Variants in TNRC6C observed in about 807,000 individuals in gnomAD.
TNRC6C encodes trinucleotide repeat-containing gene 6C protein.
In TNRC6C, 20 loss-of-function variants were observed where a neutral mutation model predicts 153.7. That is an observed-to-expected ratio of 0.13 (90% CI 0.09 to 0.19). TNRC6C has a LOEUF of 0.19. Among genes scored for constraint, TNRC6C ranks in the 10% least tolerant of loss-of-function variants. The probability of loss-of-function intolerance (pLI) is 1.00; values close to 1 mark genes in which losing one functional copy is unlikely to be tolerated. For missense variants in TNRC6C, 1,987 were observed against 2,172.0 expected (o/e 0.91, Z 1.69); for synonymous variants, 811 against 841.4 (o/e 0.96, Z 0.63).
At chr17:78,059,291 C>T (rs1280447121) in intron 3 of TNRC6C, among the ~76,000 whole-genome samples, 1 of 152,196 alleles carries the variant, frequency 6.6e-6, no homozygotes, top group East Asian at 1.9e-4. Flanking sequence ...GAGAAATTAT[C>T]TGAGTGATCT....
chr17:78,006,863 C>T (rs947224628), intron 1 of TNRC6C, among the ~76,000 whole-genome samples: 13 of 147,548 alleles, frequency 8.8e-5, no homozygotes, highest in African/African-American at 1.2e-4. Flanking sequence ...CTTGCTCTAT[C>T]GCCCAGGCTG....
intron 1 of TNRC6C, 67 bp downstream of exon 3, chr17:78,005,146 T>A: frequency 2.5e-6 from 2 of 792,738 alleles, no homozygotes; most frequent in Non-Finnish European, 3.3e-6. Context: ...CCAGGATGAC[T>A]TTTTTTTTTA....
At chr17:78,040,868 G>A (rs1042047473) in intron 2 of TNRC6C, among the ~76,000 whole-genome samples, 1 of 152,190 alleles carries the variant, frequency 6.6e-6, no homozygotes, top group Non-Finnish European at 1.5e-5. Flanking sequence ...TGAGTCGGGT[G>A]CCTCCTGGAG....
At chr17:78,059,906 G>A (rs1325930955) in intron 3 of TNRC6C, among the ~76,000 whole-genome samples, 1 of 151,018 alleles carries the variant, frequency 6.6e-6, no homozygotes, top group Non-Finnish European at 1.5e-5. Context: ...GATAGCAGTA[G>A]GAAAGAGTTA....
At chr17:78,051,058 A>C in exon 3 of TNRC6C, 1 of 1,610,386 alleles carries the variant, frequency 6.2e-7, no homozygotes, top group Non-Finnish European at 8.5e-7. Context: ...CCCCCAACAG[A>C]ACTGGGCTAG....
At chr17:78,074,195 A>G (rs1041699843) in intron 7 of TNRC6C, among the ~76,000 whole-genome samples, 17 of 152,212 alleles carry the variant, frequency 1.1e-4, no homozygotes, top group Non-Finnish European at 2.4e-4. Flanking sequence ...CACTACAGAA[A>G]GCACAGAAAT....
At chr17:78,021,524 CAT>C (rs1471760498) in intron 1 of TNRC6C, among the ~76,000 whole-genome samples, 1 of 152,150 alleles carries the variant, frequency 6.6e-6, no homozygotes, top group Non-Finnish European at 1.5e-5. Flanking sequence ...ATTCAGTAAT[CAT>C]AAAAAAGATT....
At chr17:78,071,271 G>GT in intron 6 of TNRC6C, 106 bp downstream of exon 8, 1 of 1,144,984 alleles carries the variant, frequency 8.7e-7, no homozygotes, top group Non-Finnish European at 1.3e-6. Flanking sequence ...CACCAAGATT[G>GT]TTTGAGGAAT....
intron 1 of TNRC6C, among the ~76,000 whole-genome samples, chr17:78,015,303 C>G (rs1227415647): frequency 6.6e-6 from 1 of 152,114 alleles, no homozygotes; most frequent in African/African-American, 2.4e-5. Flanking sequence ...AGAGGTGGAG[C>G]ATGAATGAGG....
chr17:78,021,904 A>T (rs993284152), intron 1 of TNRC6C, among the ~76,000 whole-genome samples: 1 of 152,234 alleles, frequency 6.6e-6, no homozygotes, highest in East Asian at 1.9e-4. Context: ...AAATAAAACA[A>T]TACCTACATA....
intron 4 of TNRC6C, among the ~76,000 whole-genome samples, chr17:78,066,084 A>G (rs979839452): frequency 2.0e-5 from 3 of 152,142 alleles, no homozygotes; most frequent in Non-Finnish European, 4.4e-5. Flanking sequence ...TACAAAAATT[A>G]GCTGGACATA....
At chr17:78,066,743 A>G (rs1413968929) in intron 4 of TNRC6C, 2 of 152,218 alleles carry the variant, frequency 1.3e-5, no homozygotes, top group Non-Finnish European at 2.9e-5. Flanking sequence ...TTGTAGCTCC[A>G]TCTGCCTAAG....
chr17:78,078,896 G>T (rs2073129993), intron 9 of TNRC6C, among the ~76,000 whole-genome samples: 1 of 152,130 alleles, frequency 6.6e-6, no homozygotes, highest in Non-Finnish European at 1.5e-5. Flanking sequence ...TTCAAGACCA[G>T]CTTGGCCAAC....
rs116152967 is a variant in TNRC6C at position 78,025,801 on chromosome 17, T to C, written c.-545-5715T>C. ...ATCACAAAAAAGTATTTCATGTCTATATCAAGGCCAGGGAAATAGGAGCAG... is the reference window on the plus strand; with the variant it reads ...ATCACAAAAAAGTATTTCATGTCTACATCAAGGCCAGGGAAATAGGAGCAG... On this transcript the variant is annotated intron_variant, in intron 1 of 19. Transcript: ENST00000301624. Among the ~76,000 whole-genome samples, 1,230 of 152,274 alleles carry C rather than the reference T, an allele frequency of 8.1e-3. 19 individuals carry two copies. Among genetic ancestry groups the C allele is most frequent in the African/African-American group, 0.027 (1,139 of 41,542 alleles).
intron 1 of TNRC6C, among the ~76,000 whole-genome samples, chr17:77,980,213 A>G (rs184729161): frequency 3.3e-5 from 5 of 152,350 alleles, no homozygotes; most frequent in African/African-American, 7.2e-5. Flanking sequence ...AGGTGCAGCA[A>G]ACCACCATGG....
chr17:77,997,076 G>A (rs1304805544), intron 1 of TNRC6C, among the ~76,000 whole-genome samples: 1 of 152,156 alleles, frequency 6.6e-6, no homozygotes, highest in Non-Finnish European at 1.5e-5. Context: ...CTGTGTCAGT[G>A]GCTAGACAAG....
At chr17:77,982,957 C>T (rs1052891984) in intron 1 of TNRC6C, among the ~76,000 whole-genome samples, 2 of 152,038 alleles carry the variant, frequency 1.3e-5, no homozygotes, top group Non-Finnish European at 2.9e-5. Flanking sequence ...AGTCAATCCA[C>T]CAAGAAATAT....
At chr17:78,033,325 G>A (rs2072110642) in intron 2 of TNRC6C, among the ~76,000 whole-genome samples, 1 of 152,122 alleles carries the variant, frequency 6.6e-6, no homozygotes, top group Non-Finnish European at 1.5e-5. Context: ...ATTTATCTCT[G>A]TAAATATAAC....
chr17:77,961,094 G>T (rs1246903451), intron 1 of TNRC6C, among the ~76,000 whole-genome samples: 2 of 150,870 alleles, frequency 1.3e-5, no homozygotes, highest in African/African-American at 2.4e-5. Flanking sequence ...TTAAAAGCTT[G>T]TTTGTAACTC....
Sources: gnomAD v4.1 joint callset for allele counts (sites outside exome capture counted in the v4.1 genomes callset) on GRCh38, gnomAD v4.1.1 for gene constraint, MANE v1.5 for transcripts, NCBI Gene and HGNC (gene_info 2026-07-23, HGNC 2026-07-21) for gene names.